CNTNAP3B: variants seen among roughly 807,000 people sequenced by gnomAD.
The protein encoded by CNTNAP3B is contactin associated protein family member 3B.
CNTNAP3B carries 25 observed loss-of-function variants against 108.9 expected under a neutral mutation model. The ratio of observed to expected loss-of-function variants is 0.23; its 90% CI spans 0.17 to 0.32. The LOEUF (loss-of-function observed/expected upper bound fraction) is 0.32. Ranked by LOEUF, CNTNAP3B falls within the 10% of genes least tolerant of loss-of-function variation. The pLI is 1.00. For synonymous variants in CNTNAP3B, 103 were observed against 473.4 expected (o/e 0.22, Z 10.16); for missense variants, 252 against 1,210.4 (o/e 0.21, Z 11.75).
intron 14 of CNTNAP3B, among the ~76,000 whole-genome samples, chr9:41,935,334 A>C (rs1372063812): frequency 1.3e-5 from 2 of 152,236 alleles, no homozygotes; most frequent in African/African-American, 2.4e-5. Flanking sequence ...CTGCCCCATT[A>C]ACGGACATAT....
At chr9:42,016,660 T>C (rs1450443069) in intron 3 of CNTNAP3B, among the ~76,000 whole-genome samples, 2 of 151,962 alleles carry the variant, frequency 1.3e-5, no homozygotes, top group African/African-American at 4.9e-5. Flanking sequence ...TACGTCTTCA[T>C]TTTAGACATA....
Position 42,096,352 on chromosome 9 carries a change from GAT to G in CNTNAP3B, c.196+8275_196+8276del, listed in dbSNP as rs765606108. ...CCTGCTGAGGGTTCCTAGTCTGCGAGATAGCAGAAAAATTAAAACACCTTTAG... is the reference window on the plus strand; with the variant it reads ...CCTGCTGAGGGTTCCTAGTCTGCGAGAGCAGAAAAATTAAAACACCTTTAG... On this transcript the variant is annotated intron_variant, in intron 2 of 23. Transcript: ENST00000377561. Among the ~76,000 whole-genome samples the G allele has an allele frequency of 1.3e-3, 176 of 140,718 alleles. 6 individuals are homozygous for G. Among genetic ancestry groups the G allele is most frequent in the Non-Finnish European group, 1.8e-3 (120 of 65,214 alleles). The allele number at this position is 140,718 out of a possible 152,430, so 92.3% of individuals were successfully genotyped here.
intron 2 of CNTNAP3B, among the ~76,000 whole-genome samples, chr9:42,097,236 T>G (rs1272814784): frequency 7.1e-6 from 1 of 140,274 alleles, no homozygotes; most frequent in Non-Finnish European, 1.5e-5. Flanking sequence ...TATGACATCA[T>G]GTTCCCATCT....
intron 3 of CNTNAP3B, among the ~76,000 whole-genome samples, chr9:42,017,029 G>A (rs1426215910): frequency 2.0e-5 from 3 of 151,550 alleles, no homozygotes; most frequent in Non-Finnish European, 4.4e-5. Flanking sequence ...ATTATATTAA[G>A]TAATCAAAAA....
At chr9:41,930,529 T>TGA (rs1306431972) in intron 14 of CNTNAP3B, among the ~76,000 whole-genome samples, 1 of 151,764 alleles carries the variant, frequency 6.6e-6, no homozygotes, top group Non-Finnish European at 1.5e-5. Flanking sequence ...GGTGGCAAAG[T>TGA]GAGACCCTGT....
intron 17 of CNTNAP3B, among the ~76,000 whole-genome samples, chr9:41,920,847 G>A (rs2117942889): frequency 6.6e-6 from 1 of 152,422 alleles, no homozygotes; most frequent in Admixed American, 6.5e-5. Flanking sequence ...GAAGTTGGAA[G>A]GGGTGACACC....
chr9:41,993,837 G>T (rs1191355396), intron 7 of CNTNAP3B: 3 of 117,266 alleles, frequency 2.6e-5, no homozygotes, highest in African/African-American at 6.8e-5. Flanking sequence ...TCTTAAAATG[G>T]AATTCCCATA....
intron 12 of CNTNAP3B, among the ~76,000 whole-genome samples, chr9:41,958,245 C>T (rs1392884109): frequency 6.6e-6 from 1 of 152,300 alleles, no homozygotes; most frequent in African/African-American, 2.4e-5. Context: ...GTAGCTGGGA[C>T]TACAGATACA....
intron 12 of CNTNAP3B, chr9:41,960,292 G>A (rs137920064): frequency 0.011 from 1,824 of 169,148 alleles, no homozygotes; most frequent in African/African-American, 0.042. Flanking sequence ...GCCACCATGC[G>A]CAGCCCAAGC....
At position 42,015,592 on chromosome 9, in the gene CNTNAP3B, C is replaced by A. The variant is rs1208255171; in HGVS notation, c.391-2067G>T. On this transcript the variant is annotated intron_variant, in intron 3 of 23. Transcript: ENST00000377561. ...AGGGCCAGAGTACTAATTGAGATAA[C>A]ACCTGGAAATCAATCAGCCCACCAC... 2.8e-5 allele frequency among the ~76,000 whole-genome samples: 2 copies of A among 70,832 alleles called. 1 individual carries two copies. The highest frequency in any genetic ancestry group is 1.9e-3 in the East Asian group (2 of 1,072). 46.5% of individuals were successfully genotyped at this position (70,832 alleles called of 152,430 possible).
intron 13 of CNTNAP3B, among the ~76,000 whole-genome samples, chr9:41,945,437 T>C (rs1156532385): frequency 6.6e-6 from 1 of 152,306 alleles, no homozygotes; most frequent in African/African-American, 2.4e-5. Flanking sequence ...TATGCAGCCA[T>C]GAAAAAGGAT....
rs1273911936 is a variant in CNTNAP3B, at chr9:42,107,954, G to A, written c.86-3215C>T. 1.7e-5 allele frequency among the ~76,000 whole-genome samples: 2 copies of A among 114,506 alleles called. 1 individual carries two copies. The highest frequency in any genetic ancestry group is 7.2e-5 in the African/African-American group (2 of 27,666). The allele number at this position is 114,506 out of a possible 152,430, so 75.1% of individuals were successfully genotyped here. On this transcript the variant is annotated intron_variant, in intron 1 of 23. Transcript: ENST00000377561. ...GGTGCCAGTACACTCTAGGCTGGGC[G>A]ACAGAGAAAGACTCCGTCTTAAAAA...
At chr9:42,016,715 T>C in intron 3 of CNTNAP3B, among the ~76,000 whole-genome samples, 2 of 152,050 alleles carry the variant, frequency 1.3e-5, no homozygotes, top group South Asian at 4.1e-4. Context: ...GTATACAGAA[T>C]AGTTTTTGGA....
chr9:41,924,855 T>C (rs1378607005), intron 15 of CNTNAP3B, among the ~76,000 whole-genome samples: 22 of 152,410 alleles, frequency 1.4e-4, no homozygotes, highest in Non-Finnish European at 2.8e-4. Flanking sequence ...ATCTTTTGTG[T>C]ACTTTTGACT....
At chr9:41,923,688 G>A (rs1395852984) in intron 16 of CNTNAP3B, among the ~76,000 whole-genome samples, 1 of 152,296 alleles carries the variant, frequency 6.6e-6, no homozygotes, top group African/African-American at 2.4e-5. Context: ...CTTGAACCCA[G>A]GAGGCTGAGG....
chr9:41,941,850 A>T (rs1418332358), intron 13 of CNTNAP3B, among the ~76,000 whole-genome samples: 74 of 151,774 alleles, frequency 4.9e-4, no homozygotes, highest in African/African-American at 1.8e-3. Context: ...GGGTCAACAC[A>T]CCTTCAAGAG....
intron 1 of CNTNAP3B, among the ~76,000 whole-genome samples, chr9:42,124,888 T>C (rs1249463786): frequency 7.2e-6 from 1 of 139,088 alleles, no homozygotes; most frequent in Non-Finnish European, 1.5e-5. Flanking sequence ...AGCCTCTTTA[T>C]TTTTAATCTA....
chr9:42,097,117 C>T (rs1295412591), intron 2 of CNTNAP3B, among the ~76,000 whole-genome samples: 2 of 139,612 alleles, frequency 1.4e-5, no homozygotes, highest in African/African-American at 5.7e-5. Context: ...CCAATATCTG[C>T]TTCTCTTTCA....
chr9:42,108,002 G>C lies in CNTNAP3B; in HGVS notation c.86-3263C>G, dbSNP rs182477325. On this transcript the variant is annotated intron_variant, in intron 1 of 23. Transcript: ENST00000377561. The stretch of plus-strand genomic sequence containing the variant: ...AAAAAAAAAAAAGAAAGAAAGAAAG[G>C]CACTAAATTTTATAAAATAAAAGAA... Among the ~76,000 whole-genome samples the C allele has an allele frequency of 3.0e-5, 4 of 133,738 alleles. 1 individual carries two copies. The allele number at this position is 133,738 out of a possible 152,430, so 87.7% of individuals were successfully genotyped here.
Sources: gnomAD v4.1 joint callset for allele counts (sites outside exome capture counted in the v4.1 genomes callset) on GRCh38, gnomAD v4.1.1 for gene constraint, MANE v1.5 for transcripts, NCBI Gene and HGNC (gene_info 2026-07-23, HGNC 2026-07-21) for gene names.